TULP4: variants seen among roughly 807,000 people sequenced by gnomAD.
The protein encoded by TULP4 is tubby-related protein 4.
Under a neutral mutation model 129.0 loss-of-function variants are expected in TULP4, and 16 were observed. The ratio of observed to expected loss-of-function variants is 0.12; its 90% CI spans 0.08 to 0.19. The LOEUF (loss-of-function observed/expected upper bound fraction) is 0.19. Among genes scored for constraint, TULP4 ranks in the 10% least tolerant of loss-of-function variants. TULP4 has a pLI of 1.00. For synonymous variants in TULP4, 998 were observed against 854.0 expected (o/e 1.17, Z -2.94); for missense variants, 1,842 against 2,059.1 (o/e 0.89, Z 2.04).
chr6:158,334,305 A>G (rs910319268), intron 1 of TULP4, among the ~76,000 whole-genome samples: 1 of 152,198 alleles, frequency 6.6e-6, no homozygotes, highest in East Asian at 1.9e-4. Flanking sequence ...GGTGGCTGCC[A>G]TTTCAGACAG....
chr6:158,323,392 G>A (rs1038560442), intron 1 of TULP4, among the ~76,000 whole-genome samples: 2 of 152,138 alleles, frequency 1.3e-5, no homozygotes, highest in African/African-American at 2.4e-5. Context: ...GGTTGTAGTC[G>A]TTTGAAAAGT....
intron 1 of TULP4, among the ~76,000 whole-genome samples, chr6:158,344,937 T>A (rs1278420189): frequency 6.6e-6 from 1 of 152,208 alleles, no homozygotes; most frequent in Non-Finnish European, 1.5e-5. Flanking sequence ...AAAGTGCTAC[T>A]CCAGTGAACA....
chr6:158,293,501 T>C (rs181458466), intron 1 of TULP4, among the ~76,000 whole-genome samples: 19 of 152,340 alleles, frequency 1.2e-4, no homozygotes. Context: ...TATGAGTATA[T>C]GATTTAGGTA....
upstream of TULP4, among the ~76,000 whole-genome samples, chr6:158,307,643 A>G (rs2128479652): frequency 6.6e-6 from 1 of 152,106 alleles, no homozygotes; most frequent in Admixed American, 6.5e-5. Context: ...CACCACACCC[A>G]GCTAATTTTT....
At chr6:158,317,886 AT>A (rs1779526377) in intron 1 of TULP4, among the ~76,000 whole-genome samples, 1 of 152,050 alleles carries the variant, frequency 6.6e-6, no homozygotes. Context: ...TGTGGTTTTG[AT>A]TTGCATTTCT....
At chr6:158,498,477 TGTGGC>T (rs1393664535) in intron 11 of TULP4, among the ~76,000 whole-genome samples, 187 bp from the exon 12 acceptor site, 15 of 152,368 alleles carry the variant, frequency 9.8e-5, no homozygotes, top group Non-Finnish European at 1.9e-4. Context: ...AATCCAGAAC[TGTGGC>T]TAGTATGGTC....
chr6:158,366,659 G>C (rs1051301074), intron 1 of TULP4, among the ~76,000 whole-genome samples: 4 of 152,314 alleles, frequency 2.6e-5, no homozygotes, highest in Middle Eastern at 3.4e-3. Flanking sequence ...AGGCTCTGTT[G>C]TTGTACCATG....
At chr6:158,356,827 G>A (rs1052305585) in intron 1 of TULP4, among the ~76,000 whole-genome samples, 10 of 151,404 alleles carry the variant, frequency 6.6e-5, no homozygotes, top group African/African-American at 2.5e-4. Context: ...AGCTGAAGCT[G>A]TAAAGTAACT....
At chr6:158,369,365 G>T (rs1381558526) in intron 1 of TULP4, among the ~76,000 whole-genome samples, 1 of 152,190 alleles carries the variant, frequency 6.6e-6, no homozygotes, top group African/African-American at 2.4e-5. Context: ...GCTGGATATG[G>T]TGGCATGCCT....
chr6:158,430,572 GTC>G (rs1778606266), intron 3 of TULP4, among the ~76,000 whole-genome samples: 2 of 151,996 alleles, frequency 1.3e-5, no homozygotes, highest in African/African-American at 2.4e-5. Flanking sequence ...GTGAAACCCT[GTC>G]TCTACTAAAA....
At chr6:158,271,728 C>T (rs532179243) in intron 1 of TULP4, among the ~76,000 whole-genome samples, 1 of 152,310 alleles carries the variant, frequency 6.6e-6, no homozygotes, top group Non-Finnish European at 1.5e-5. Flanking sequence ...CCACGCCTGG[C>T]CCCACATTAA....
chr6:158,339,196 G>A (rs536544119), intron 1 of TULP4, among the ~76,000 whole-genome samples: 6 of 152,206 alleles, frequency 3.9e-5, no homozygotes, highest in South Asian at 2.1e-4. Flanking sequence ...ATCACATGTC[G>A]GCAGGTTCTG....
intron 1 of TULP4, among the ~76,000 whole-genome samples, chr6:158,285,434 G>T (rs890136803): frequency 5.9e-5 from 9 of 152,076 alleles, no homozygotes; most frequent in Admixed American, 2.6e-4. Context: ...ACTTTTGCTG[G>T]CCATTTATGA....
At chr6:158,409,784 C>T (rs1158368290) in intron 1 of TULP4, among the ~76,000 whole-genome samples, 1 of 152,200 alleles carries the variant, frequency 6.6e-6, no homozygotes, top group East Asian at 1.9e-4. Flanking sequence ...TTCGTTTATA[C>T]TAGTTGGAAC....
intron 1 of TULP4, among the ~76,000 whole-genome samples, chr6:158,254,597 C>A (rs763204098): frequency 2.0e-5 from 3 of 152,166 alleles, no homozygotes; most frequent in Non-Finnish European, 4.4e-5. Flanking sequence ...TTATGTTTAA[C>A]CCCTAGTTTA....
intron 1 of TULP4, among the ~76,000 whole-genome samples, chr6:158,252,972 A>G (rs538032382): frequency 4.6e-5 from 7 of 152,296 alleles, no homozygotes; most frequent in African/African-American, 1.7e-4. Flanking sequence ...AATCTTAGGC[A>G]TTGGTCTTAT....
At chr6:158,248,431 G>A (rs988879659) in intron 1 of TULP4, among the ~76,000 whole-genome samples, 3 of 136,990 alleles carry the variant, frequency 2.2e-5, no homozygotes, top group Non-Finnish European at 5.0e-5. Flanking sequence ...CACCACGCCC[G>A]GCTAATTTTT....
At chr6:158,491,454 CT>C (rs1202583772) in intron 9 of TULP4, among the ~76,000 whole-genome samples, 1 of 27,002 alleles carries the variant, frequency 3.7e-5, no homozygotes. Context: ...TTCTTTCTTT[CT>C]TTTCTTTCTT....
At chr6:158,363,999 A>G (rs892223364) in intron 1 of TULP4, among the ~76,000 whole-genome samples, 1 of 152,196 alleles carries the variant, frequency 6.6e-6, no homozygotes, top group African/African-American at 2.4e-5. Flanking sequence ...AATAAATTAA[A>G]AAAACCCACA....
Sources: allele counts gnomAD v4.1 joint callset (sites outside exome capture counted in the v4.1 genomes callset), GRCh38; gene constraint gnomAD v4.1.1; transcripts MANE v1.5; gene names NCBI Gene and HGNC (gene_info 2026-07-23, HGNC 2026-07-21).